Variants in STXBP4 observed in about 807,000 individuals in gnomAD.
STXBP4 encodes the protein syntaxin binding protein 4, also known as syntaxin-binding protein 4.
STXBP4 carries 55 observed loss-of-function variants against 76.1 expected under a neutral mutation model. The observed-to-expected ratio is 0.72, with a 90% confidence interval of 0.58 to 0.91. The LOEUF (loss-of-function observed/expected upper bound fraction) is 0.91, where lower values mean the gene tolerates loss of function less well. Ranked by LOEUF, STXBP4 falls within the 40% of genes least tolerant of loss-of-function variation. The pLI, the probability that STXBP4 is intolerant of heterozygous loss-of-function variation, is 0.00. For missense variants in STXBP4, 618 were observed against 636.9 expected (o/e 0.97, Z 0.32); for synonymous variants, 201 against 220.2 (o/e 0.91, Z 0.77).
At chr17:55,033,469 G>T (rs192042895) in intron 9 of STXBP4, among the ~76,000 whole-genome samples, 38 of 152,260 alleles carry the variant, frequency 2.5e-4, no homozygotes, top group African/African-American at 9.1e-4. Context: ...ATGCAACCAT[G>T]AAATAAAGTA....
intron 7 of STXBP4, among the ~76,000 whole-genome samples, chr17:55,003,568 A>G (rs1226555621): frequency 6.6e-6 from 1 of 152,162 alleles, no homozygotes; most frequent in African/African-American, 2.4e-5. Flanking sequence ...ATTAACCATC[A>G]CTTCTAGATT....
At chr17:55,054,030 G>T (rs2078893864) in intron 12 of STXBP4, among the ~76,000 whole-genome samples, 3 of 151,848 alleles carry the variant, frequency 2.0e-5, no homozygotes, top group African/African-American at 7.3e-5. Context: ...TTCCACATGA[G>T]GCCCTCCTGT....
chr17:55,013,710 T>C (rs1371943471), intron 8 of STXBP4, among the ~76,000 whole-genome samples: 4 of 152,204 alleles, frequency 2.6e-5, no homozygotes, highest in Non-Finnish European at 4.4e-5. Flanking sequence ...AAGTAAATCA[T>C]CCACATACTG....
At chr17:55,182,248 A>C in the STXBP4 span, among the ~76,000 whole-genome samples, 39 of 152,198 alleles carry the variant, frequency 2.6e-4, no homozygotes, top group Admixed American at 5.9e-4. Flanking sequence ...ATAAAAGACG[A>C]AATTCGAGAT....
rs374542124 is a variant in STXBP4, at chr17:55,170,985, G to A, written c.*11074G>A. On this transcript the variant is annotated 3_prime_UTR_variant, in exon 18 of 18. Transcript: ENST00000376352. ...ATGGATGTCAACTTATCTCAGAGCA[G>A]TATCATTGGTTGAGCAGTCCTGCAG... is the stretch of plus-strand genomic sequence containing the variant. The A allele has an allele frequency of 4.6e-5, 7 of 152,318 alleles. No homozygotes were observed. The East Asian group carries it at 9.6e-4, about 21-fold the overall frequency. 9.4% of individuals were successfully genotyped at this position (152,318 alleles called of 1,614,324 possible). A position where few individuals can be genotyped will look rare whatever the true frequency, so the allele number is the denominator to read the frequency against.
intron 16 of STXBP4, among the ~76,000 whole-genome samples, chr17:55,093,492 C>T (rs1178946223): frequency 6.6e-6 from 1 of 152,160 alleles, no homozygotes; most frequent in Non-Finnish European, 1.5e-5. Context: ...GCCCTGTTCT[C>T]TGGTGACTTG....
chr17:55,017,337 C>T (rs1188076636), intron 8 of STXBP4, among the ~76,000 whole-genome samples: 1 of 152,114 alleles, frequency 6.6e-6, no homozygotes, highest in Non-Finnish European at 1.5e-5. Context: ...ACGGATCCTA[C>T]ATAACTGCCC....
In STXBP4 at chr17:54,970,267, C is replaced by T. The variant is rs371093761; in HGVS notation, c.-157+1452C>T. 1.3e-4 allele frequency among the ~76,000 whole-genome samples: 20 copies of T among 152,226 alleles called. No homozygotes were observed. The East Asian group carries it at 3.5e-3, about 26-fold the overall frequency. On this transcript the variant is annotated intron_variant, in intron 1 of 17. Coordinates refer to ENST00000376352, the MANE Select transcript of STXBP4 (RefSeq NM_178509.6). ...AATAGGAAGCTATTGGAATGTTTGA[C>T]ACATACAAGTGATGTGATCTGACTC...
At chr17:55,137,737 T>C (rs1421501310) in intron 16 of STXBP4, among the ~76,000 whole-genome samples, 1 of 152,154 alleles carries the variant, frequency 6.6e-6, no homozygotes. Context: ...CAACAGTGTC[T>C]AGAATCTAAC....
At chr17:55,107,703 T>C (rs2079652734) in intron 16 of STXBP4, among the ~76,000 whole-genome samples, 1 of 152,216 alleles carries the variant, frequency 6.6e-6, no homozygotes, top group South Asian at 2.1e-4. Context: ...TAGGATTTGC[T>C]GGAGGTCCAC....
At chr17:55,063,123 A>C (rs530613167) in intron 12 of STXBP4, among the ~76,000 whole-genome samples, 1 of 152,214 alleles carries the variant, frequency 6.6e-6, no homozygotes, top group African/African-American at 2.4e-5. Context: ...GCTTTTGGAC[A>C]GCCCAGCTGG....
intron 10 of STXBP4, among the ~76,000 whole-genome samples, chr17:55,040,025 C>A (rs890003660): frequency 1.3e-5 from 2 of 152,002 alleles, no homozygotes; most frequent in African/African-American, 4.8e-5. Flanking sequence ...AGAAAAGGGA[C>A]AAACTTTGGG....
chr17:55,158,620 C>T (rs559521081), intron 17 of STXBP4, among the ~76,000 whole-genome samples: 1 of 152,320 alleles, frequency 6.6e-6, no homozygotes, highest in African/African-American at 2.4e-5. Context: ...AGCATGATTT[C>T]GTGATGTGTC....
intron 15 of STXBP4, among the ~76,000 whole-genome samples, chr17:55,080,818 A>G (rs1041741995): frequency 1.3e-5 from 2 of 152,194 alleles, no homozygotes; most frequent in African/African-American, 4.8e-5. Flanking sequence ...TTACTTCTTT[A>G]TCATACATGA....
At chr17:55,048,485 A>G (rs1037978518) in intron 12 of STXBP4, among the ~76,000 whole-genome samples, 13 of 151,980 alleles carry the variant, frequency 8.6e-5, no homozygotes, top group African/African-American at 3.1e-4. Flanking sequence ...TTCCAAAACA[A>G]TTTAACCACA....
chr17:55,211,780 C>T, the STXBP4 span, among the ~76,000 whole-genome samples: 4 of 122,170 alleles, frequency 3.3e-5, no homozygotes, highest in Non-Finnish European at 3.5e-5. Flanking sequence ...TTGGGGAATG[C>T]TGTTTCCTGT....
At chr17:55,208,605 G>GGAAGGAAA in the STXBP4 span, among the ~76,000 whole-genome samples, 1 of 149,398 alleles carries the variant, frequency 6.7e-6, no homozygotes, top group African/African-American at 2.5e-5. Context: ...AAGGAAGGAA[G>GGAAGGAAA]GAAAGAGAGA....
rs1398308877 is a variant in STXBP4 at position 54,999,219 on chromosome 17, A to G, written c.181-126A>G. 7 of 678,666 alleles carry G rather than the reference A, an allele frequency of 1.0e-5. No homozygotes were observed. The Admixed American group carries it at 1.8e-4, about 18-fold the overall frequency. 42.0% of individuals were successfully genotyped at this position (678,666 alleles called of 1,614,324 possible). On this transcript the variant is annotated intron_variant, in intron 4 of 17. Coordinates refer to ENST00000376352, the MANE Select transcript of STXBP4 (RefSeq NM_178509.6). The stretch of plus-strand genomic sequence containing the variant: ...AGAGATTTTGCTACTGAGGTTGTCT[A>G]AGATTTTACTTTTTACTCTTTTTGA...
chr17:55,163,627 A>G lies in STXBP4; in HGVS notation c.*3716A>G, dbSNP rs1010723210. ...ATGCCAGGCAAAATGTGAAATTTGC[A>G]TGCTATGAGGCTAAATGGTACTGAT... On this transcript the variant is annotated 3_prime_UTR_variant, in exon 18 of 18. Coordinates refer to ENST00000376352, the MANE Select transcript of STXBP4 (RefSeq NM_178509.6). 2.0e-5 allele frequency: 3 copies of G among 152,234 alleles called. No individual in the cohort carries two copies. The highest frequency in any genetic ancestry group is 4.8e-5 in the African/African-American group (2 of 41,452). The allele number at this position is 152,234 out of a possible 1,614,324, so 9.4% of individuals were successfully genotyped here.
Sources: gnomAD v4.1 joint callset for allele counts (sites outside exome capture counted in the v4.1 genomes callset) on GRCh38, gnomAD v4.1.1 for gene constraint, MANE v1.5 for transcripts, NCBI Gene and HGNC (gene_info 2026-07-23, HGNC 2026-07-21) for gene names.